The following DTNA variants were observed in gnomAD, a reference collection of about 807,000 sequenced individuals.
DTNA encodes the protein dystrobrevin alpha, also known as dystrophin-related protein 3.
DTNA carries 43 observed loss-of-function variants against 100.7 expected under a neutral mutation model. The observed-to-expected ratio is 0.43, with a 90% CI of 0.33 to 0.55. The LOEUF is 0.55. Ranked by LOEUF, DTNA falls within the 20% of genes least tolerant of loss-of-function variation. The probability of loss-of-function intolerance (pLI) is 0.04; values close to 1 mark genes in which losing one functional copy is unlikely to be tolerated. For synonymous variants in DTNA, 349 were observed against 347.9 expected, an observed-to-expected ratio of 1.00 and a Z score of -0.04; for missense variants, 798 against 953.9, an observed-to-expected ratio of 0.84 and a Z score of 2.15.
At chr18:34,500,439 A>ATG (rs763726097) in intron 1 of DTNA, among the ~76,000 whole-genome samples, 2 of 149,248 alleles carry the variant, frequency 1.3e-5, no homozygotes, top group East Asian at 3.9e-4. Flanking sequence ...GTGTGTGTGT[A>ATG]TGTGTGTGTG....
chr18:34,680,819 C>A (rs892571465), intron 1 of DTNA, among the ~76,000 whole-genome samples: 16 of 152,124 alleles, frequency 1.1e-4, no homozygotes, highest in South Asian at 4.1e-4. Flanking sequence ...AACTTATTTT[C>A]TGAATCCTTT....
chr18:34,668,589 T>C (rs999493572), intron 1 of DTNA, among the ~76,000 whole-genome samples: 2 of 152,234 alleles, frequency 1.3e-5, no homozygotes, highest in African/African-American at 4.8e-5. Flanking sequence ...CTCTACACAC[T>C]GCTTTATATG....
intron 1 of DTNA, among the ~76,000 whole-genome samples, chr18:34,552,639 G>T (rs1255372105): frequency 6.7e-6 from 1 of 149,644 alleles, no homozygotes; most frequent in African/African-American, 2.5e-5. Flanking sequence ...TTGGTTTTTT[G>T]TTCTTGCGAT....
At chr18:34,850,566 A>G (rs1447619489) in intron 14 of DTNA, among the ~76,000 whole-genome samples, 1 of 152,242 alleles carries the variant, frequency 6.6e-6, no homozygotes, top group African/African-American at 2.4e-5. Context: ...TATGGACATT[A>G]AAAAGCAGGA....
chr18:34,727,601 G>C (rs2087006144), intron 1 of DTNA, among the ~76,000 whole-genome samples: 1 of 151,910 alleles, frequency 6.6e-6, no homozygotes, highest in Admixed American at 6.6e-5. Flanking sequence ...TTTTGCTTTT[G>C]TCACCCAGGC....
At chr18:34,663,418 G>A (rs757556933) in intron 1 of DTNA, among the ~76,000 whole-genome samples, 3 of 152,092 alleles carry the variant, frequency 2.0e-5, no homozygotes, top group Non-Finnish European at 4.4e-5. Context: ...TCCTGCCTTG[G>A]CCTCCCAAAG....
chr18:34,545,747 T>G (rs960564668), intron 1 of DTNA, among the ~76,000 whole-genome samples: 12 of 152,100 alleles, frequency 7.9e-5, no homozygotes, highest in African/African-American at 2.7e-4. Context: ...TTCTTAAATA[T>G]TTTTATTATA....
intron 1 of DTNA, chr18:34,493,927 G>T (rs2038853895): frequency 1.4e-5 from 2 of 148,114 alleles, no homozygotes; most frequent in South Asian, 4.2e-4. Context: ...ACTGCGGCGC[G>T]GCGCCTCCCC....
intron 1 of DTNA, among the ~76,000 whole-genome samples, chr18:34,731,342 G>A (rs1159376023): frequency 1.3e-5 from 2 of 152,032 alleles, no homozygotes; most frequent in Non-Finnish European, 2.9e-5. Flanking sequence ...AGCCGGGCGC[G>A]GTGGCGGGCG....
intron 1 of DTNA, among the ~76,000 whole-genome samples, chr18:34,617,961 A>G (rs987466792): frequency 1.6e-4 from 24 of 152,146 alleles, no homozygotes; most frequent in African/African-American, 4.6e-4. Context: ...TTAGAGAACT[A>G]ATTTATCTGC....
intron 3 of DTNA, among the ~76,000 whole-genome samples, chr18:34,782,826 C>G (rs369997410): frequency 6.6e-6 from 1 of 152,160 alleles, no homozygotes; most frequent in African/African-American, 2.4e-5. Flanking sequence ...CAATGGAGAA[C>G]GGCATGGCCA....
At chr18:34,585,819 A>C (rs1012251314) in intron 1 of DTNA, among the ~76,000 whole-genome samples, 5 of 152,226 alleles carry the variant, frequency 3.3e-5, no homozygotes, top group African/African-American at 1.2e-4. Context: ...CTTCAAAGGT[A>C]TAGAGAGGTG....
intron 1 of DTNA, among the ~76,000 whole-genome samples, chr18:34,746,859 C>T (rs77259373): frequency 0.014 from 2,170 of 152,172 alleles, 54 homozygotes; most frequent in African/African-American, 0.05. Flanking sequence ...ATACCAGCTG[C>T]TATTGAGCAG....
intron 1 of DTNA, among the ~76,000 whole-genome samples, chr18:34,572,644 C>G (rs1436518044): frequency 1.3e-5 from 2 of 152,154 alleles, no homozygotes; most frequent in Non-Finnish European, 2.9e-5. Flanking sequence ...GCCTTCCCAT[C>G]AGGTTCCCGT....
intron 1 of DTNA, among the ~76,000 whole-genome samples, chr18:34,689,716 A>G (rs2079457583): frequency 6.6e-6 from 1 of 152,168 alleles, no homozygotes; most frequent in African/African-American, 2.4e-5. Context: ...GCAGGCAGAA[A>G]TGTTTAAGTT....
At chr18:34,576,169 G>T (rs1274371311) in intron 1 of DTNA, among the ~76,000 whole-genome samples, 2 of 152,180 alleles carry the variant, frequency 1.3e-5, no homozygotes, top group Non-Finnish European at 2.9e-5. Context: ...TGCTCACAGA[G>T]CTGCATGGAG....
At chr18:34,811,490 C>T (rs1384615706) in intron 5 of DTNA, among the ~76,000 whole-genome samples, 2 of 152,112 alleles carry the variant, frequency 1.3e-5, no homozygotes, top group African/African-American at 2.4e-5. Context: ...ATATCTTACA[C>T]CAAAATCCGA....
chr18:34,659,987 G>T (rs911460769), intron 1 of DTNA, among the ~76,000 whole-genome samples: 27 of 152,194 alleles, frequency 1.8e-4, no homozygotes, highest in African/African-American at 6.5e-4. Context: ...AAAGTATAAT[G>T]AAGTATTGAG....
intron 1 of DTNA, among the ~76,000 whole-genome samples, chr18:34,582,596 C>G (rs748457362): frequency 6.6e-6 from 1 of 152,136 alleles, no homozygotes; most frequent in Non-Finnish European, 1.5e-5. Context: ...GCTAGGTGAG[C>G]AGACCACATA....
Sources: gnomAD v4.1 joint callset for allele counts (sites outside exome capture counted in the v4.1 genomes callset) on GRCh38, gnomAD v4.1.1 for gene constraint, MANE v1.5 for transcripts, NCBI Gene and HGNC (gene_info 2026-07-23, HGNC 2026-07-21) for gene names.